Variants in PFKFB3 observed in about 807,000 individuals in gnomAD.
PFKFB3 encodes the protein 6-phosphofructo-2-kinase/fructose-2,6-biphosphatase 3.
A neutral mutation model predicts 68.0 loss-of-function variants in PFKFB3; 33 were observed. The ratio of observed to expected loss-of-function variants is 0.49; its 90% CI spans 0.37 to 0.65. PFKFB3 has a LOEUF of 0.65. Among genes scored for constraint, PFKFB3 ranks in the 30% least tolerant of loss-of-function variants. The probability of loss-of-function intolerance (pLI) is 0.00; values close to 1 mark genes in which losing one functional copy is unlikely to be tolerated. For synonymous variants in PFKFB3, 315 were observed against 288.2 expected (o/e 1.09, Z -0.94); for missense variants, 586 against 712.2 (o/e 0.82, Z 2.02).
chr10:6,312,956 C>T, the PFKFB3 span, among the ~76,000 whole-genome samples: 1 of 152,148 alleles, frequency 6.6e-6, no homozygotes, highest in Non-Finnish European at 1.5e-5. Flanking sequence ...TTTCGCTTTG[C>T]CATCCCCTGT....
chr10:6,302,771 CA>C, the PFKFB3 span, among the ~76,000 whole-genome samples: 1 of 144,056 alleles, frequency 6.9e-6, no homozygotes. Context: ...CACACACACA[CA>C]CACACACATA....
chr10:6,159,303 G>A (rs1468551855), intron 1 of PFKFB3, among the ~76,000 whole-genome samples: 2 of 152,094 alleles, frequency 1.3e-5, no homozygotes, highest in Non-Finnish European at 2.9e-5. Flanking sequence ...GCTGAGAAGG[G>A]AGAATCGCTT....
chr10:6,279,669 C>T, the PFKFB3 span, among the ~76,000 whole-genome samples: 2 of 152,128 alleles, frequency 1.3e-5, no homozygotes, highest in South Asian at 2.1e-4. Flanking sequence ...CAGAACCTCC[C>T]GCCAGACAGC....
chr10:6,258,471 G>A (rs1255873800), downstream of PFKFB3, among the ~76,000 whole-genome samples: 1 of 152,222 alleles, frequency 6.6e-6, no homozygotes, highest in East Asian at 1.9e-4. Context: ...GCCACACTAA[G>A]TAGACCATAG....
At chr10:6,244,802 G>A (rs1846218480) in intron 14 of PFKFB3, among the ~76,000 whole-genome samples, 1 of 152,134 alleles carries the variant, frequency 6.6e-6, no homozygotes, top group South Asian at 2.1e-4. Flanking sequence ...GGTTAAATCA[G>A]GTTCATTCGT....
At chr10:6,256,668 T>C (rs894960468), downstream of PFKFB3, among the ~76,000 whole-genome samples, 3 of 152,220 alleles carry the variant, frequency 2.0e-5, no homozygotes, top group Non-Finnish European at 4.4e-5. Flanking sequence ...GTATTTAACG[T>C]GACGAAGCTT....
intron 1 of PFKFB3, among the ~76,000 whole-genome samples, chr10:6,177,406 T>TTCTTTCTTTCTC (rs1842522461): frequency 8.5e-6 from 1 of 118,310 alleles, no homozygotes; most frequent in African/African-American, 2.9e-5. Flanking sequence ...CTTTCTTTCT[T>TTCTTTCTTTCTC]TCTTCTTTCT....
chr10:6,236,156 C>A (rs562756342), downstream of PFKFB3, among the ~76,000 whole-genome samples: 189 of 152,312 alleles, frequency 1.2e-3, no homozygotes, highest in African/African-American at 4.2e-3. Flanking sequence ...CAGAAGGTAT[C>A]TTTCATGTTA....
At chr10:6,195,533 G>A (rs1234489894) in intron 1 of PFKFB3, among the ~76,000 whole-genome samples, 1 of 152,196 alleles carries the variant, frequency 6.6e-6, no homozygotes, top group Non-Finnish European at 1.5e-5. Context: ...ATGTCTGCAT[G>A]GGGTCACTGC....
At chr10:6,320,779 T>C in the PFKFB3 span, among the ~76,000 whole-genome samples, 1 of 152,280 alleles carries the variant, frequency 6.6e-6, no homozygotes, top group African/African-American at 2.4e-5. Flanking sequence ...GTGTTGACTT[T>C]AACCTAAAAC....
At chr10:6,155,363 C>T (rs1222267706) in intron 1 of PFKFB3, among the ~76,000 whole-genome samples, 6 of 151,652 alleles carry the variant, frequency 4.0e-5, no homozygotes, top group Admixed American at 2.0e-4. Flanking sequence ...CCACCACGCC[C>T]GGCTAATTTT....
At chr10:6,219,168 C>T (rs965833404) in intron 6 of PFKFB3, among the ~76,000 whole-genome samples, 1 of 152,262 alleles carries the variant, frequency 6.6e-6, no homozygotes, top group African/African-American at 2.4e-5. Flanking sequence ...AACTCCTGAG[C>T]ATACCTTAGA....
chr10:6,315,461 G>A, the PFKFB3 span, among the ~76,000 whole-genome samples: 1 of 152,120 alleles, frequency 6.6e-6, no homozygotes, highest in Non-Finnish European at 1.5e-5. Flanking sequence ...CACTTAATTT[G>A]TTCCTCTGTC....
Position 6,228,109 on chromosome 10 carries a change from G to A in PFKFB3, c.1515+1744G>A, listed in dbSNP as rs1845475659. The A allele has an allele frequency of 6.9e-7, 1 of 1,453,646 alleles. No homozygotes were observed. Among genetic ancestry groups the A allele is most frequent in the African/African-American group, 1.4e-5 (1 of 71,760 alleles). 90.0% of individuals were successfully genotyped at this position (1,453,646 alleles called of 1,614,324 possible). On this transcript the variant is annotated intron_variant, in intron 14 of 14. Coordinates refer to ENST00000379775, the MANE Select transcript of PFKFB3 (RefSeq NM_004566.4). This position sits in a 1 kb window ranked among gnomAD's most constrained non-coding sequence, Gnocchi z 4.5. ...TTAGGGACGTCTGAAGCTGCTGGCT[G>A]GGCCGGCGTGGGGTTTTTCAGGGCT...
chr10:6,323,361 G>T, the PFKFB3 span, among the ~76,000 whole-genome samples: 1 of 152,200 alleles, frequency 6.6e-6, no homozygotes, highest in Admixed American at 6.5e-5. Context: ...CCTCGAGAAG[G>T]AAGAGTTTCA....
rs1251353580 is a variant in PFKFB3, at chr10:6,220,905, G to A, written c.831+40G>A. On this transcript the variant is annotated intron_variant, in intron 8 of 14. Transcript: ENST00000379775. This position sits in a 1 kb window ranked among gnomAD's most constrained non-coding sequence, Gnocchi z 4.1. ...GCCGCATGGGCCGTTCTGGCTGTAG[G>A]GCGGTTGCAGGGTCTATAGGGTGGG... The A allele has an allele frequency of 6.3e-7, 1 of 1,584,824 alleles. No homozygotes were observed. The highest frequency in any genetic ancestry group is 8.6e-7 in the Non-Finnish European group (1 of 1,162,058).
upstream of PFKFB3, among the ~76,000 whole-genome samples, chr10:6,200,659 C>CGGGGGGGGG (rs57019530): frequency 1.2e-4 from 8 of 68,962 alleles, no homozygotes; most frequent in African/African-American, 2.6e-4. Flanking sequence ...ATGTAAGGAG[C>CGGGGGGGGG]GGGGGGGGGG....
Position 6,189,900 on chromosome 10 carries a change from T to C in PFKFB3, c.17-23723T>C, listed in dbSNP as rs1006418328. Among the ~76,000 whole-genome samples the C allele has an allele frequency of 8.5e-5, 13 of 152,286 alleles. No individual in the cohort carries two copies. The East Asian group carries it at 2.3e-3, about 27-fold the overall frequency. Reference sequence around the variant, plus strand: ...CACTATTTTGTCCCTTTGTGATAAGTAAGGATTCTGTGGGGAGATATTTTG... The same window carrying C: ...CACTATTTTGTCCCTTTGTGATAAGCAAGGATTCTGTGGGGAGATATTTTG... On this transcript the variant is annotated intron_variant, in intron 1 of 14. Coordinates refer to the PFKFB3 transcript ENST00000379789.
intron 1 of PFKFB3, among the ~76,000 whole-genome samples, chr10:6,174,259 C>A (rs1046445127): frequency 2.0e-5 from 3 of 152,158 alleles, no homozygotes; most frequent in Non-Finnish European, 4.4e-5. Context: ...TGCCAATGAC[C>A]CAGGCCTGTT....
Sources: allele counts gnomAD v4.1 joint callset (sites outside exome capture counted in the v4.1 genomes callset), GRCh38; gene constraint gnomAD v4.1.1; non-coding constraint Gnocchi (gnomAD v3.1); transcripts MANE v1.5; gene names NCBI Gene and HGNC (gene_info 2026-07-23, HGNC 2026-07-21).